MIER1: variants seen among roughly 807,000 people sequenced by gnomAD.
MIER1 encodes the protein mesoderm induction early response protein 1.
MIER1 carries 40 observed loss-of-function variants against 75.7 expected under a neutral mutation model. That is an observed-to-expected ratio of 0.53 (90% confidence interval 0.41 to 0.69). MIER1 has a LOEUF of 0.69. MIER1 is among the 30% of genes least tolerant of loss of function. The pLI, the probability that MIER1 is intolerant of heterozygous loss-of-function variation, is 0.00. For synonymous variants in MIER1, 213 were observed against 223.4 expected (o/e 0.95, Z 0.42); for missense variants, 574 against 680.2 (o/e 0.84, Z 1.74).
intron 12 of MIER1, among the ~76,000 whole-genome samples, chr1:66,979,181 G>A (rs1212197129): frequency 6.6e-6 from 1 of 151,854 alleles, no homozygotes; most frequent in Non-Finnish European, 1.5e-5. Context: ...TATGTCTTCT[G>A]TAAGAAGCAG....
intron 9 of MIER1, 41 bp downstream of exon 9, chr1:66,971,000 T>C (rs749434853): frequency 1.3e-6 from 2 of 1,527,310 alleles, no homozygotes; most frequent in South Asian, 2.6e-5. Flanking sequence ...GCCATACACA[T>C]TTATACATGT....
At chr1:66,941,778 C>T (rs1054478781) in intron 3 of MIER1, among the ~76,000 whole-genome samples, 2 of 152,098 alleles carry the variant, frequency 1.3e-5, no homozygotes, top group African/African-American at 4.8e-5. Flanking sequence ...TGAGACTAGC[C>T]TGGCCAACAT....
intron 13 of MIER1, among the ~76,000 whole-genome samples, chr1:66,983,750 C>G (rs758939317): frequency 2.0e-5 from 3 of 152,068 alleles, no homozygotes; most frequent in Non-Finnish European, 2.9e-5. Flanking sequence ...CTTTTTGAGA[C>G]AGAGTCTCGC....
rs758111279 is a variant in MIER1 at position 66,986,409 on chromosome 1, T to A, written c.*1509T>A. The A allele has an allele frequency of 2.2e-5, 35 of 1,612,996 alleles. No homozygotes were observed. In the East Asian group the frequency reaches 6.0e-4, roughly 28 times the overall value. On this transcript the variant is annotated 3_prime_UTR_variant, in exon 14 of 14. Transcript: ENST00000401041. ...TCTTGTTTTTCTCACACAGGCATAC[T>A]CCAAATGCTTCTTCCAGTTCATTTT... is the stretch of plus-strand genomic sequence containing the variant.
At chr1:66,969,574 A>T (rs1663178004) in intron 8 of MIER1, among the ~76,000 whole-genome samples, 2 of 139,566 alleles carry the variant, frequency 1.4e-5, no homozygotes, top group Admixed American at 7.0e-5. Flanking sequence ...AAAAAAAAAA[A>T]ATCATTGCCT....
intron 2 of MIER1, among the ~76,000 whole-genome samples, chr1:66,934,430 GTC>G (rs1220334726): frequency 1.3e-5 from 2 of 148,534 alleles, no homozygotes; most frequent in African/African-American, 5.0e-5. Context: ...TTGAGACAGG[GTC>G]TCTCTCTGTT....
At chr1:66,959,570 T>G (rs1293586570) in intron 6 of MIER1, 109 bp from the exon 7 acceptor site, 8 of 565,056 alleles carry the variant, frequency 1.4e-5, no homozygotes, top group Non-Finnish European at 2.5e-5. Flanking sequence ...CTTAATTCAT[T>G]AGATATCTTT....
In MIER1 at chr1:66,976,443, C is replaced by T. The variant is rs529856264; in HGVS notation, c.1102-152C>T. On this transcript the variant is annotated intron_variant, in intron 11 of 13. Transcript: ENST00000401041. Reference sequence around the variant, plus strand: ...CTTAATAGATGTTTAGAAAGAATAGCTTTCAACATAGCTGCTACACTGTTG... The same window carrying T: ...CTTAATAGATGTTTAGAAAGAATAGTTTTCAACATAGCTGCTACACTGTTG... 16 of 518,764 alleles carry T rather than the reference C, an allele frequency of 3.1e-5. No individual in the cohort carries two copies. In the East Asian group the frequency reaches 4.1e-4, roughly 13 times the overall value. The allele number at this position is 518,764 out of a possible 1,614,324, so 32.1% of individuals were successfully genotyped here.
At chr1:66,975,983 C>CTT (rs202162173) in intron 11 of MIER1, among the ~76,000 whole-genome samples, 1 of 141,822 alleles carries the variant, frequency 7.1e-6, no homozygotes, top group Non-Finnish European at 1.6e-5. Flanking sequence ...ACTTCCAGGC[C>CTT]TTTTTTTTGT....
chr1:66,938,394 G>A (rs1248344553), intron 2 of MIER1, among the ~76,000 whole-genome samples: 4 of 152,128 alleles, frequency 2.6e-5, no homozygotes. Context: ...CTTATTTTGT[G>A]TGGATAGTGA....
chr1:66,938,642 T>C (rs1655480503), intron 2 of MIER1, among the ~76,000 whole-genome samples: 1 of 152,188 alleles, frequency 6.6e-6, no homozygotes, highest in Non-Finnish European at 1.5e-5. Flanking sequence ...ACTCTTGTCA[T>C]GTCACCCTAC....
chr1:66,959,848 G>A (rs570358234), intron 7 of MIER1, 105 bp downstream of exon 7: 15 of 457,756 alleles, frequency 3.3e-5, no homozygotes, highest in African/African-American at 2.5e-4. Flanking sequence ...TGATAAAATC[G>A]ATGTAAGCCC....
At position 66,988,399 on chromosome 1, in the gene MIER1, T is replaced by TA. The variant is rs987633564; in HGVS notation, c.*3500dup. 6.6e-6 allele frequency: 1 copy of TA among 152,048 alleles called. No individual in the cohort carries two copies. The highest frequency in any genetic ancestry group is 2.4e-5 in the African/African-American group (1 of 41,424). 9.4% of individuals were successfully genotyped at this position (152,048 alleles called of 1,614,324 possible). Reference sequence around the variant, plus strand: ...TTTTCCACACATCCATCCACCCACTTACAGACTGATTTCATGTATCTGAAT... The same window carrying TA: ...TTTTCCACACATCCATCCACCCACTTAACAGACTGATTTCATGTATCTGAAT... On this transcript the variant is annotated 3_prime_UTR_variant, in exon 14 of 14. Coordinates refer to ENST00000401041, the MANE Select transcript of MIER1 (RefSeq NM_001077700.3).
At chr1:66,968,053 A>C (rs1381094997) in intron 8 of MIER1, among the ~76,000 whole-genome samples, 1 of 152,184 alleles carries the variant, frequency 6.6e-6, no homozygotes, top group Non-Finnish European at 1.5e-5. Context: ...TTTCCATTTT[A>C]ACATGATTTT....
intron 2 of MIER1, chr1:66,930,542 C>G: frequency 1.2e-6 from 1 of 818,890 alleles, no homozygotes. Flanking sequence ...AGGCCATTCT[C>G]TGGGCGGGAG....
chr1:66,969,268 G>A (rs989058399), intron 8 of MIER1, among the ~76,000 whole-genome samples: 2 of 151,894 alleles, frequency 1.3e-5, no homozygotes, highest in African/African-American at 2.4e-5. Flanking sequence ...TAATACGGCC[G>A]GGCGCGGTGG....
chr1:66,948,028 C>T, intron 4 of MIER1: 1 of 979,700 alleles, frequency 1.0e-6, no homozygotes, highest in South Asian at 4.7e-5. Flanking sequence ...TAACCACTGT[C>T]CCCTATTCAA....
chr1:66,973,049 T>C, intron 11 of MIER1, 58 bp downstream of exon 11: 1 of 874,898 alleles, frequency 1.1e-6, no homozygotes, highest in Non-Finnish European at 1.9e-6. Flanking sequence ...ACTCAAATGG[T>C]CATGTATCGT....
intron 7 of MIER1, 35 bp from the exon 8 acceptor site, chr1:66,963,053 G>C (rs1275950353): frequency 2.2e-6 from 3 of 1,395,248 alleles, no homozygotes; most frequent in Admixed American, 3.4e-5. Flanking sequence ...TCTGTTACTA[G>C]ATCTTACTAA....
Sources: allele counts gnomAD v4.1 joint callset (sites outside exome capture counted in the v4.1 genomes callset), GRCh38; gene constraint gnomAD v4.1.1; transcripts MANE v1.5; gene names NCBI Gene and HGNC (gene_info 2026-07-23, HGNC 2026-07-21).